Variants in UBL3 observed in about 807,000 individuals in gnomAD.
UBL3 encodes ubiquitin-like protein 3.
UBL3 carries 6 observed loss-of-function variants against 18.4 expected under a neutral mutation model. That is an observed-to-expected ratio of 0.33 (90% CI 0.18 to 0.64). UBL3 has a LOEUF of 0.64. Ranked by LOEUF, UBL3 falls within the 30% of genes least tolerant of loss-of-function variation. The probability of loss-of-function intolerance (pLI) is 0.76; values close to 1 mark genes in which losing one functional copy is unlikely to be tolerated. For synonymous variants in UBL3, 49 were observed against 46.6 expected, an observed-to-expected ratio of 1.05 and a Z score of -0.21; for missense variants, 109 against 142.9, an observed-to-expected ratio of 0.76 and a Z score of 1.21.
intron 1 of UBL3, among the ~76,000 whole-genome samples, chr13:29,816,046 T>C (rs977875620): frequency 2.0e-5 from 3 of 152,204 alleles, no homozygotes; most frequent in Non-Finnish European, 4.4e-5. Context: ...AACTTCAGAA[T>C]GCTATGCTAC....
At chr13:29,847,330 A>G (rs1466287811) in intron 1 of UBL3, among the ~76,000 whole-genome samples, 1 of 152,242 alleles carries the variant, frequency 6.6e-6, no homozygotes, top group African/African-American at 2.4e-5. Flanking sequence ...TCAGGGCATT[A>G]TATATTTATT....
At chr13:29,835,123 T>A (rs201372016) in intron 1 of UBL3, among the ~76,000 whole-genome samples, 10 of 18,118 alleles carry the variant, frequency 5.5e-4, no homozygotes, top group South Asian at 4.3e-3. Flanking sequence ...TATATATATA[T>A]AAATATATAT....
chr13:29,787,889 G>A (rs1324708546), intron 1 of UBL3, among the ~76,000 whole-genome samples: 5 of 152,192 alleles, frequency 3.3e-5, no homozygotes, highest in South Asian at 2.1e-4. Flanking sequence ...AAGCACTAGA[G>A]AGGACAGCAG....
At chr13:29,825,441 G>C (rs1326293668) in intron 1 of UBL3, among the ~76,000 whole-genome samples, 14 of 152,050 alleles carry the variant, frequency 9.2e-5, no homozygotes, top group Non-Finnish European at 7.4e-5. Context: ...TGGATTCCTA[G>C]GTATTTTATT....
intron 1 of UBL3, among the ~76,000 whole-genome samples, chr13:29,800,106 T>A (rs1877721434): frequency 6.6e-6 from 1 of 152,232 alleles, no homozygotes. Flanking sequence ...GAACAGTAAT[T>A]CCTTTTCGAG....
chr13:29,780,007 T>C (rs1346525158), intron 1 of UBL3, among the ~76,000 whole-genome samples: 1 of 152,076 alleles, frequency 6.6e-6, no homozygotes, highest in East Asian at 1.9e-4. Context: ...GGCAATGGTA[T>C]TTTGCCTGTC....
chr13:29,842,388 AC>A (rs1879128375), intron 1 of UBL3, among the ~76,000 whole-genome samples: 1 of 151,786 alleles, frequency 6.6e-6, no homozygotes, highest in Admixed American at 6.6e-5. Context: ...CGAACTCCTG[AC>A]CTCAAGTGAT....
chr13:29,781,083 G>A (rs894680100), intron 1 of UBL3, among the ~76,000 whole-genome samples: 1 of 152,132 alleles, frequency 6.6e-6, no homozygotes, highest in Non-Finnish European at 1.5e-5. Flanking sequence ...GCTGAGGCAG[G>A]AGAATCACTT....
intron 1 of UBL3, among the ~76,000 whole-genome samples, chr13:29,821,587 A>G (rs1878447747): frequency 6.6e-6 from 1 of 152,222 alleles, no homozygotes; most frequent in African/African-American, 2.4e-5. Flanking sequence ...CATTTCCAAA[A>G]GAACATGCTA....
In UBL3 at chr13:29,849,553, T is replaced by C. The variant is rs200069141; in HGVS notation, c.-15A>G. The stretch of plus-strand genomic sequence containing the variant: ...TTACTGGACATCTTGCCGTTTGATA[T>C]ACACCCAGATGTTTACGAAAAAAAC... On this transcript the variant is annotated 5_prime_UTR_variant, in exon 1 of 5. Coordinates refer to ENST00000380680, the MANE Select transcript of UBL3 (RefSeq NM_007106.4). The C allele has an allele frequency of 4.0e-5, 64 of 1,613,820 alleles. No individual in the cohort carries two copies. The African/African-American group carries it at 7.5e-4, about 19-fold the overall frequency.
chr13:29,798,929 G>T (rs1384817770), intron 1 of UBL3, among the ~76,000 whole-genome samples: 1 of 152,170 alleles, frequency 6.6e-6, no homozygotes, highest in Non-Finnish European at 1.5e-5. Context: ...ATATAAGGTA[G>T]ATATTATTCT....
rs1236066240 is a variant in UBL3 at position 29,838,745 on chromosome 13, T to TA, written c.27+10766_27+10767insT. 1.4e-3 allele frequency among the ~76,000 whole-genome samples: 211 copies of TA among 152,262 alleles called. 1 individual carries two copies. Among genetic ancestry groups the TA allele is most frequent in the African/African-American group, 4.7e-3 (194 of 41,552 alleles). On this transcript the variant is annotated intron_variant, in intron 1 of 4. Transcript: ENST00000380680. ...GGGAAAGTTATAAAGGACTTAATGA[T>TA]GGAAGTAAAATACAAATTGCAAAAC...
intron 2 of UBL3, among the ~76,000 whole-genome samples, chr13:29,773,566 T>C (rs779649028): frequency 1.3e-5 from 2 of 152,184 alleles, no homozygotes; most frequent in African/African-American, 2.4e-5. Flanking sequence ...AAGACTGATA[T>C]TCTAAAAATA....
chr13:29,842,022 T>G (rs1472394701), intron 1 of UBL3, among the ~76,000 whole-genome samples: 1 of 152,190 alleles, frequency 6.6e-6, no homozygotes, highest in Non-Finnish European at 1.5e-5. Flanking sequence ...CAAAGACTGC[T>G]GAAAGACCCA....
At chr13:29,781,621 T>TG (rs1593653092) in intron 1 of UBL3, among the ~76,000 whole-genome samples, 5 of 151,558 alleles carry the variant, frequency 3.3e-5, no homozygotes, top group African/African-American at 9.7e-5. Flanking sequence ...CGTGCATGCA[T>TG]GGGGGAAAAA....
Position 29,850,095 on chromosome 13 carries a change from G to A in UBL3, c.-557C>T, listed in dbSNP as rs1879333182. Reference sequence around the variant, plus strand: ...GCAGAGCCGCTGTCGGAGCGCCCGCGCGGACAGCGCGGGGAAACGGCTCAA... The same window carrying A: ...GCAGAGCCGCTGTCGGAGCGCCCGCACGGACAGCGCGGGGAAACGGCTCAA... On this transcript the variant is annotated 5_prime_UTR_variant, in exon 1 of 5. Transcript: ENST00000380680. The A allele has an allele frequency of 6.6e-6, 1 of 152,330 alleles. No homozygotes were observed. The highest frequency in any genetic ancestry group is 1.5e-5 in the Non-Finnish European group (1 of 68,108). 9.4% of individuals were successfully genotyped at this position (152,330 alleles called of 1,614,324 possible).
chr13:29,794,751 A>G (rs1286485026), intron 1 of UBL3, among the ~76,000 whole-genome samples: 1 of 152,204 alleles, frequency 6.6e-6, no homozygotes, highest in Non-Finnish European at 1.5e-5. Flanking sequence ...AATCCTGTAT[A>G]TTAATTTATC....
chr13:29,767,533 C>T, intron 4 of UBL3, 85 bp downstream of exon 4: 3 of 1,444,992 alleles, frequency 2.1e-6, no homozygotes, highest in Non-Finnish European at 1.9e-6. Flanking sequence ...ACTTCCCTTC[C>T]CTCAGCATAT....
chr13:29,836,715 C>G (rs1878970902), intron 1 of UBL3, among the ~76,000 whole-genome samples: 1 of 151,870 alleles, frequency 6.6e-6, no homozygotes, highest in Non-Finnish European at 1.5e-5. Context: ...GGATGTTGTA[C>G]CACCAAAGGG....
Sources: allele counts gnomAD v4.1 joint callset (sites outside exome capture counted in the v4.1 genomes callset), GRCh38; gene constraint gnomAD v4.1.1; transcripts MANE v1.5; gene names NCBI Gene and HGNC (gene_info 2026-07-23, HGNC 2026-07-21).